The following MYO1E variants were observed in gnomAD, a reference collection of about 807,000 sequenced individuals.
MYO1E encodes the protein myosin IE.
MYO1E carries 68 observed loss-of-function variants against 151.1 expected under a neutral mutation model. The observed-to-expected ratio is 0.45, with a 90% CI of 0.37 to 0.55. The LOEUF is 0.55. MYO1E is among the 20% of genes least tolerant of loss of function. The pLI, the probability that MYO1E is intolerant of heterozygous loss-of-function variation, is 0.00. For missense variants in MYO1E, 1,363 were observed against 1,389.3 expected (o/e 0.98, Z 0.30); for synonymous variants, 601 against 501.7 (o/e 1.20, Z -2.64).
At chr15:59,237,313 G>C (rs1270182913) in intron 4 of MYO1E, among the ~76,000 whole-genome samples, 3 of 152,158 alleles carry the variant, frequency 2.0e-5, no homozygotes, top group Non-Finnish European at 4.4e-5. Flanking sequence ...CCTTATTTTA[G>C]AAGTTCTAAA....
intron 1 of MYO1E, among the ~76,000 whole-genome samples, chr15:59,290,331 A>C (rs2080411859): frequency 1.3e-5 from 2 of 152,214 alleles, no homozygotes; most frequent in African/African-American, 4.8e-5. Context: ...CCACAGTGGT[A>C]AACTGGATGA....
In MYO1E at chr15:59,261,366, T is replaced by C. The variant is rs1057008215; in HGVS notation, c.237+54A>G. The C allele has an allele frequency of 7.8e-6, 10 of 1,281,418 alleles. No individual in the cohort carries two copies. In the African/African-American group the frequency reaches 1.3e-4, roughly 17 times the overall value. 79.4% of individuals were successfully genotyped at this position (1,281,418 alleles called of 1,614,324 possible). A position where few individuals can be genotyped will look rare whatever the true frequency, so the allele number is the denominator to read the frequency against. ...ACTGCTAACTTCAAGAAAAACCATG[T>C]CTGCATCATAAAAGCCCTAAATAAG... On this transcript the variant is annotated intron_variant, in intron 3 of 27. Transcript: ENST00000288235.
rs149818950 is a variant in MYO1E at position 59,277,841 on chromosome 15, T to C, written c.4-5392A>G. On this transcript the variant is annotated intron_variant, in intron 1 of 27. Coordinates refer to ENST00000288235, the MANE Select transcript of MYO1E (RefSeq NM_004998.4). ...GAGTAGTCAATATGTGGAATACATA[T>C]GGAATTACTGAATTTGTGTAATTTT... Among the ~76,000 whole-genome samples the C allele has an allele frequency of 1.7e-3, 254 of 152,356 alleles. 1 individual carries two copies. Among genetic ancestry groups the C allele is most frequent in the African/African-American group, 5.6e-3 (231 of 41,590 alleles).
chr15:59,215,765 C>T (rs180690598), intron 10 of MYO1E, among the ~76,000 whole-genome samples: 3 of 152,126 alleles, frequency 2.0e-5, no homozygotes, highest in African/African-American at 7.2e-5. Flanking sequence ...TGTACTGGTA[C>T]TATTCACAAA....
intron 14 of MYO1E, chr15:59,207,369 C>T: frequency 1.2e-6 from 2 of 1,614,056 alleles, no homozygotes; most frequent in Non-Finnish European, 1.7e-6. Flanking sequence ...TAGTGATTAT[C>T]ACAGCAGGTG....
intron 5 of MYO1E, among the ~76,000 whole-genome samples, chr15:59,233,944 T>G (rs555016327): frequency 6.6e-6 from 1 of 152,208 alleles, no homozygotes; most frequent in Admixed American, 6.5e-5. Flanking sequence ...TAAAATCTTT[T>G]TTTACATATT....
chr15:59,193,230 G>A (rs2079744983), intron 17 of MYO1E, among the ~76,000 whole-genome samples: 1 of 152,166 alleles, frequency 6.6e-6, no homozygotes, highest in Admixed American at 6.5e-5. Flanking sequence ...CTTTAACAAG[G>A]CCTCCTGGGG....
At chr15:59,188,529 C>G (rs906628647) in intron 17 of MYO1E, among the ~76,000 whole-genome samples, 1 of 151,950 alleles carries the variant, frequency 6.6e-6, no homozygotes, top group Non-Finnish European at 1.5e-5. Flanking sequence ...AACCCTGTCT[C>G]TATTAAAAAT....
chr15:59,257,496 A>C (rs76922163), intron 3 of MYO1E, among the ~76,000 whole-genome samples: 1,577 of 152,118 alleles, frequency 0.01, 33 homozygotes, highest in African/African-American at 0.036. Context: ...GAAAAGACAG[A>C]GTGATATACA....
At chr15:59,307,340 G>A (rs567702787) in intron 1 of MYO1E, among the ~76,000 whole-genome samples, 3 of 152,276 alleles carry the variant, frequency 2.0e-5, no homozygotes, top group Admixed American at 6.5e-5. Flanking sequence ...ATGAGGTTCC[G>A]CACAGTCGTT....
At chr15:59,336,767 C>T (rs1196071332) in intron 1 of MYO1E, among the ~76,000 whole-genome samples, 2 of 151,556 alleles carry the variant, frequency 1.3e-5, no homozygotes, top group East Asian at 1.9e-4. Context: ...CTGACAGGCC[C>T]CAGTGTGTGA....
chr15:59,139,921 T>A (rs907083762), intron 26 of MYO1E, among the ~76,000 whole-genome samples: 4 of 151,838 alleles, frequency 2.6e-5, no homozygotes, highest in Admixed American at 1.3e-4. Context: ...ACTCCTCAGG[T>A]CTCCTTCCCA....
At chr15:59,316,837 C>T (rs1474085369) in intron 1 of MYO1E, among the ~76,000 whole-genome samples, 1 of 152,126 alleles carries the variant, frequency 6.6e-6, no homozygotes, top group African/African-American at 2.4e-5. Flanking sequence ...GCAAATAATG[C>T]AACTATAGCA....
Position 59,341,914 on chromosome 15 carries a change from GCT to G in MYO1E, c.3+30582_3+30583del, listed in dbSNP as rs551279538. Among the ~76,000 whole-genome samples the G allele has an allele frequency of 7.2e-5, 11 of 152,294 alleles. No individual in the cohort carries two copies. The South Asian group carries it at 1.2e-3, about 17-fold the overall frequency. On this transcript the variant is annotated intron_variant, in intron 1 of 27. Transcript: ENST00000288235. ...GAATTGCTGGATCATAAGGTAGCTAGCTCTGTTTTTAGTTTTTAAGGAACCGC... is the reference window on the plus strand; with the variant it reads ...GAATTGCTGGATCATAAGGTAGCTAGCTGTTTTTAGTTTTTAAGGAACCGC...
At position 59,367,796 on chromosome 15, in the gene MYO1E, G is replaced by C. The variant is rs193073564; in HGVS notation, c.3+4702C>G. Among the ~76,000 whole-genome samples the C allele has an allele frequency of 3.0e-4, 46 of 152,306 alleles. 1 individual carries two copies. The highest frequency in any genetic ancestry group is 8.2e-4 in the African/African-American group (34 of 41,558). On this transcript the variant is annotated intron_variant, in intron 1 of 27. Transcript: ENST00000288235. ...AAACAGCTAATCTGCAGCTGTGTTT[G>C]GCCCCTCTGAGATGATCAAATCACA... is the stretch of plus-strand genomic sequence containing the variant.
chr15:59,138,925 A>G (rs997988142), intron 26 of MYO1E, among the ~76,000 whole-genome samples: 6 of 152,078 alleles, frequency 3.9e-5, no homozygotes, highest in Non-Finnish European at 8.8e-5. Flanking sequence ...CACATGCTCA[A>G]CAACTGGATG....
At chr15:59,209,390 T>C (rs2079862242) in intron 13 of MYO1E, among the ~76,000 whole-genome samples, 2 of 152,128 alleles carry the variant, frequency 1.3e-5, no homozygotes, top group South Asian at 2.1e-4. Context: ...AATAACTAAG[T>C]TGTCTGGCCG....
At position 59,138,452 on chromosome 15, in the gene MYO1E, C is replaced by T. The variant is rs983921676; in HGVS notation, c.3081-85G>A. On this transcript the variant is annotated intron_variant, in intron 26 of 27. Coordinates refer to ENST00000288235, the MANE Select transcript of MYO1E (RefSeq NM_004998.4). Reference sequence around the variant, plus strand: ...GTGGTTTGGAGCATGGCGGCCGGCACTGGCCTGTTCAAGTTCAAATCCAGC... The same window carrying T: ...GTGGTTTGGAGCATGGCGGCCGGCATTGGCCTGTTCAAGTTCAAATCCAGC... 4.1e-6 allele frequency: 6 copies of T among 1,454,116 alleles called. No homozygotes were observed. The African/African-American group carries it at 7.0e-5, about 17-fold the overall frequency. The allele number at this position is 1,454,116 out of a possible 1,614,324, so 90.1% of individuals were successfully genotyped here. A position where few individuals can be genotyped will look rare whatever the true frequency, so the allele number is the denominator to read the frequency against.
At chr15:59,234,648 T>C (rs1273078685) in intron 5 of MYO1E, among the ~76,000 whole-genome samples, 2 of 151,992 alleles carry the variant, frequency 1.3e-5, no homozygotes, top group Non-Finnish European at 2.9e-5. Context: ...GGTGAAACCC[T>C]GTCCCTACCA....
Sources: gnomAD v4.1 joint callset for allele counts (sites outside exome capture counted in the v4.1 genomes callset) on GRCh38, gnomAD v4.1.1 for gene constraint, MANE v1.5 for transcripts, NCBI Gene and HGNC (gene_info 2026-07-23, HGNC 2026-07-21) for gene names.